PTPRB: variants seen among roughly 807,000 people sequenced by gnomAD.
PTPRB encodes the protein receptor-type tyrosine-protein phosphatase beta.
In PTPRB, 97 loss-of-function variants were observed where a neutral mutation model predicts 238.1. The observed-to-expected ratio is 0.41, with a 90% CI of 0.35 to 0.48. The LOEUF (loss-of-function observed/expected upper bound fraction) is 0.48. Among genes scored for constraint, PTPRB ranks in the 20% least tolerant of loss-of-function variants. The probability of loss-of-function intolerance (pLI) is 0.30; values close to 1 mark genes in which losing one functional copy is unlikely to be tolerated. For synonymous variants in PTPRB, 970 were observed against 995.4 expected, an observed-to-expected ratio of 0.97 and a Z score of 0.48; for missense variants, 2,292 against 2,681.9, an observed-to-expected ratio of 0.85 and a Z score of 3.21.
rs751049806 is a variant in PTPRB, at chr12:70,540,061, T to C, written c.5595-39A>G. 3.3e-6 allele frequency: 5 copies of C among 1,526,270 alleles called. No individual in the cohort carries two copies. In the African/African-American group the frequency reaches 6.9e-5, roughly 21 times the overall value. The allele number at this position is 1,526,270 out of a possible 1,614,324, so 94.5% of individuals were successfully genotyped here. A position where few individuals can be genotyped will look rare whatever the true frequency, so the allele number is the denominator to read the frequency against. The stretch of plus-strand genomic sequence containing the variant: ...GAGATAACTTTTATTCTGATTATGA[T>C]ACTTGGCTTGAACAAATTTTTCCAT... On this transcript the variant is annotated intron_variant, in intron 23 of 33. Transcript: ENST00000334414.
intron 2 of PTPRB, among the ~76,000 whole-genome samples, chr12:70,626,542 C>T (rs529521646): frequency 6.6e-6 from 1 of 151,934 alleles, no homozygotes; most frequent in South Asian, 2.1e-4. Context: ...CATGTACAGA[C>T]ATTTTTTCCT....
chr12:70,595,980 T>C lies in PTPRB; in HGVS notation c.1258+69A>G, dbSNP rs190900873. On this transcript the variant is annotated intron_variant, in intron 5 of 33. Transcript: ENST00000334414. The stretch of plus-strand genomic sequence containing the variant: ...CTCTGGAGTAGCAATCTTACTCCTA[T>C]TCCTTGAATAAAGTATAACTTGAAA... 2.0e-4 allele frequency: 272 copies of C among 1,346,198 alleles called. 3 individuals carry two copies. In the Middle Eastern group the frequency reaches 2.1e-3, roughly 10 times the overall value. The allele number at this position is 1,346,198 out of a possible 1,614,324, so 83.4% of individuals were successfully genotyped here.
chr12:70,616,429 TAG>T (rs1197556101), intron 3 of PTPRB, among the ~76,000 whole-genome samples: 1 of 152,226 alleles, frequency 6.6e-6, no homozygotes, highest in Non-Finnish European at 1.5e-5. Flanking sequence ...TTTCCTGCTT[TAG>T]AGTTTTTCTT....
intron 11 of PTPRB, 88 bp from the exon 12 acceptor site, chr12:70,572,175 A>G (rs1125122): frequency 0.19 from 244,427 of 1,303,210 alleles, 24,460 homozygotes; most frequent in Non-Finnish European, 0.2. Context: ...ATAAAAAGAG[A>G]GAGTAGATTA....
intron 4 of PTPRB, among the ~76,000 whole-genome samples, chr12:70,603,271 T>C (rs1883669754): frequency 6.6e-6 from 1 of 152,166 alleles, no homozygotes; most frequent in South Asian, 2.1e-4. Context: ...GATTACAAAA[T>C]ACTGAAGTCA....
At chr12:70,550,096 T>C (rs1399767771) in intron 21 of PTPRB, among the ~76,000 whole-genome samples, 1 of 152,144 alleles carries the variant, frequency 6.6e-6, no homozygotes, top group East Asian at 1.9e-4. Flanking sequence ...AATGTAGGAT[T>C]AGAGGAATGT....
intron 28 of PTPRB, among the ~76,000 whole-genome samples, chr12:70,536,648 C>A (rs1565911636): frequency 6.6e-6 from 1 of 152,190 alleles, no homozygotes; most frequent in East Asian, 1.9e-4. Flanking sequence ...TTATTTAATC[C>A]AAACCACAGT....
chr12:70,614,140 G>C (rs530972072), intron 3 of PTPRB, among the ~76,000 whole-genome samples: 1 of 152,150 alleles, frequency 6.6e-6, no homozygotes, highest in Admixed American at 6.5e-5. Flanking sequence ...AAACTTACCA[G>C]CCTCACCACA....
Position 70,589,614 on chromosome 12 carries a change from T to C in PTPRB, c.2050+350A>G, listed in dbSNP as rs1413313684. On this transcript the variant is annotated intron_variant, in intron 8 of 33. Transcript: ENST00000334414. ...TTCATTGGTACCTGAAATCCCCACATTAGTCAACATGAGGTCAAGGCAATG... is the reference window on the plus strand; with the variant it reads ...TTCATTGGTACCTGAAATCCCCACACTAGTCAACATGAGGTCAAGGCAATG... Among the ~76,000 whole-genome samples, 5 of 150,956 alleles carry C rather than the reference T, an allele frequency of 3.3e-5. No homozygotes were observed. In the East Asian group the frequency reaches 8.1e-4, roughly 24 times the overall value.
intron 20 of PTPRB, among the ~76,000 whole-genome samples, chr12:70,554,939 A>G (rs1877425340): frequency 6.6e-6 from 1 of 152,224 alleles, no homozygotes; most frequent in Admixed American, 6.5e-5. Flanking sequence ...TTACTCTTCT[A>G]TTTAATAATT....
Position 70,594,455 on chromosome 12 carries a change from G to A in PTPRB, c.1516+12C>T, listed in dbSNP as rs766398200. The A allele has an allele frequency of 3.4e-5, 55 of 1,611,176 alleles. No individual in the cohort carries two copies. Among genetic ancestry groups the A allele is most frequent in the Non-Finnish European group, 4.3e-5 (51 of 1,177,916 alleles). On this transcript the variant is annotated intron_variant, in intron 6 of 33. Coordinates refer to ENST00000334414, the MANE Select transcript of PTPRB (RefSeq NM_001109754.4). ...CACTTTATTCTTCTTCAGCTAGCTA[G>A]GGGGAACTTACCTGTCCTGACTAGT...
At chr12:70,544,791 T>G in intron 21 of PTPRB, 128 bp from the exon 22 acceptor site, 1 of 564,910 alleles carries the variant, frequency 1.8e-6, no homozygotes, top group Non-Finnish European at 3.1e-6. Context: ...AGTTATGGAA[T>G]CGGATAGACC....
At position 70,581,119 on chromosome 12, in the gene PTPRB, TTGAGA is replaced by T; in HGVS notation, c.2490_2494del (p.Leu831ValfsTer43). 6.2e-7 allele frequency: 1 copy of T among 1,614,006 alleles called. No homozygotes were observed. Among genetic ancestry groups the T allele is most frequent in the Non-Finnish European group, 8.5e-7 (1 of 1,179,886 alleles). ...CACCACGGAGTACAGGCTGCCGGAC[TTGAGA>T]GAGTGGAAGCTGTATCTGCTGGTCT... On this transcript the variant is annotated frameshift_variant, in exon 10 of 34. Coordinates refer to ENST00000334414, the MANE Select transcript of PTPRB (RefSeq NM_001109754.4). LOFTEE classifies it high-confidence loss of function.
At chr12:70,562,305 A>G (rs1184752229) in intron 16 of PTPRB, among the ~76,000 whole-genome samples, 2 of 151,006 alleles carry the variant, frequency 1.3e-5, no homozygotes, top group Non-Finnish European at 2.9e-5. Context: ...TTTTTTTTTG[A>G]ACAGGAGATA....
intron 14 of PTPRB, among the ~76,000 whole-genome samples, chr12:70,568,270 A>G (rs1420100257): frequency 6.6e-6 from 1 of 151,956 alleles, no homozygotes; most frequent in Non-Finnish European, 1.5e-5. Flanking sequence ...AAGGTTCTTG[A>G]GGTCAGGGGC....
At chr12:70,635,501 A>T (rs1885640670) in intron 2 of PTPRB, among the ~76,000 whole-genome samples, 170 bp downstream of exon 2, 1 of 152,186 alleles carries the variant, frequency 6.6e-6, no homozygotes, top group African/African-American at 2.4e-5. Context: ...GTTTTCCATC[A>T]TTGGGCACGT....
chr12:70,536,479 CTG>C (rs1565911416), intron 28 of PTPRB, among the ~76,000 whole-genome samples: 1 of 151,996 alleles, frequency 6.6e-6, no homozygotes, highest in African/African-American at 2.4e-5. Flanking sequence ...GTTGGAGGGA[CTG>C]TAATCAGGCT....
chr12:70,574,726 C>T (rs1404583856), intron 11 of PTPRB, among the ~76,000 whole-genome samples: 1 of 152,184 alleles, frequency 6.6e-6, no homozygotes, highest in Non-Finnish European at 1.5e-5. Context: ...ATCAAGAGAA[C>T]AACTCAGACA....
At chr12:70,584,147 G>T (rs1881650683) in intron 9 of PTPRB, among the ~76,000 whole-genome samples, 1 of 151,732 alleles carries the variant, frequency 6.6e-6, no homozygotes. Context: ...TAAAACAGTG[G>T]GTAGATTTTA....
Sources: gnomAD v4.1 joint callset for allele counts (sites outside exome capture counted in the v4.1 genomes callset) on GRCh38, gnomAD v4.1.1 for gene constraint, MANE v1.5 for transcripts, NCBI Gene and HGNC (gene_info 2026-07-23, HGNC 2026-07-21) for gene names.